Variants in DOCK6 observed in about 807,000 individuals in gnomAD.
DOCK6 encodes the protein dedicator of cytokinesis 6, also known as dedicator of cytokinesis protein 6.
DOCK6 carries 167 observed loss-of-function variants against 230.3 expected under a neutral mutation model. The ratio of observed to expected loss-of-function variants is 0.73; its 90% confidence interval spans 0.64 to 0.82. The LOEUF is 0.82. Among genes scored for constraint, DOCK6 ranks in the 40% least tolerant of loss-of-function variants. The probability of loss-of-function intolerance (pLI) is 0.00; values close to 1 mark genes in which losing one functional copy is unlikely to be tolerated. For missense variants in DOCK6, 2,598 were observed against 2,825.8 expected (o/e 0.92, Z 1.83); for synonymous variants, 1,148 against 1,185.0 (o/e 0.97, Z 0.64).
At chr19:11,248,515 A>T (rs1289447183) in intron 6 of DOCK6, among the ~76,000 whole-genome samples, 5 of 151,542 alleles carry the variant, frequency 3.3e-5, no homozygotes, top group Admixed American at 3.3e-4. Context: ...GGTTCAAGTG[A>T]TTCTCCTGCC....
intron 6 of DOCK6, among the ~76,000 whole-genome samples, chr19:11,250,009 A>G (rs2080093057): frequency 6.6e-6 from 1 of 151,342 alleles, no homozygotes; most frequent in African/African-American, 2.4e-5. Context: ...CCATATACAG[A>G]AGCTATCTTT....
At chr19:11,232,883 G>T (rs764498744) in intron 22 of DOCK6, among the ~76,000 whole-genome samples, 1 of 151,956 alleles carries the variant, frequency 6.6e-6, no homozygotes, top group East Asian at 1.9e-4. Context: ...GGGGGTGAAT[G>T]TGTATATGCA....
chr19:11,246,987 C>G (rs1038881955), intron 7 of DOCK6, among the ~76,000 whole-genome samples: 1 of 152,240 alleles, frequency 6.6e-6, no homozygotes, highest in Non-Finnish European at 1.5e-5. Flanking sequence ...CGCTCGCACC[C>G]CTCAAGCTGG....
In DOCK6 at chr19:11,202,580, G is replaced by A. The variant is rs3745682; in HGVS notation, c.5361+4C>T. 0.4 allele frequency: 648,600 copies of A among 1,613,742 alleles called. 132,124 individuals are homozygous for A. The highest frequency in any genetic ancestry group is 0.47 in the South Asian group (42,610 of 91,086). On this transcript the variant is annotated splice_donor_region_variant and intron_variant, in intron 42 of 47. Transcript: ENST00000294618. The surrounding 1 kb of genome is among the most constrained non-coding windows in gnomAD (Gnocchi z 5.3). Reference sequence around the variant, plus strand: ...CCGTTCCACCCCCAACCACAAGGACGTGCCTCCAGCCGGTGTGAGATCTCT... The same window carrying A: ...CCGTTCCACCCCCAACCACAAGGACATGCCTCCAGCCGGTGTGAGATCTCT...
chr19:11,240,360 AC>A, intron 14 of DOCK6: 1 of 1,452,268 alleles, frequency 6.9e-7, no homozygotes, highest in South Asian at 1.4e-5. Context: ...TCGCTTCTGC[AC>A]CTTGAGTCCC....
Position 11,208,820 on chromosome 19 carries a change from ATGAGATGTTC to A in DOCK6, c.4945-1_4953del. On this transcript the variant is annotated splice_acceptor_variant and coding_sequence_variant, in exon 39 of 48. Transcript: ENST00000294618. LOFTEE classifies it high-confidence loss of function. ...ATGGCGGACTCCTCTAGCACGTTGG[ATGAGATGTTC>A]TGGGGTGGGAGAGGTGGCGTCAGAC... The A allele has an allele frequency of 6.2e-7, 1 of 1,613,038 alleles. No homozygotes were observed. Among genetic ancestry groups the A allele is most frequent in the East Asian group, 2.2e-5 (1 of 44,866 alleles).
intron 18 of DOCK6, 158 bp from the exon 19 acceptor site, chr19:11,237,037 A>G (rs923025683): frequency 2.0e-5 from 14 of 691,472 alleles, no homozygotes; most frequent in Non-Finnish European, 2.9e-5. Flanking sequence ...GTAGACTGAG[A>G]GGGTCCACTG....
rs2079181835 is a variant in DOCK6 at position 11,202,233 on chromosome 19, A to G, written c.5452-108T>C. ...GACTTTGTCATTTCCAAGTCTTCCT[A>G]TGTCTGGATGTTTGGGAATCCCCTG... On this transcript the variant is annotated intron_variant, in intron 43 of 47. Coordinates refer to ENST00000294618, the MANE Select transcript of DOCK6 (RefSeq NM_020812.4). The surrounding 1 kb of genome is among the most constrained non-coding windows in gnomAD (Gnocchi z 5.3). 1 of 1,391,580 alleles carries G rather than the reference A, an allele frequency of 7.2e-7. No individual in the cohort carries two copies. Among genetic ancestry groups the G allele is most frequent in the South Asian group, 1.3e-5 (1 of 78,046 alleles). The allele number at this position is 1,391,580 out of a possible 1,614,324, so 86.2% of individuals were successfully genotyped here.
In DOCK6 at chr19:11,222,645, A is replaced by G; in HGVS notation, c.3240+90T>C. On this transcript the variant is annotated intron_variant, in intron 26 of 47. Coordinates refer to ENST00000294618, the MANE Select transcript of DOCK6 (RefSeq NM_020812.4). This position sits in a 1 kb window ranked among gnomAD's most constrained non-coding sequence, Gnocchi z 4.0. The stretch of plus-strand genomic sequence containing the variant: ...TTCACCTAGGCAGTGGTCCACCGTG[A>G]AAGGGACAGAGATGAGGGAACCATA... 2.9e-6 allele frequency: 4 copies of G among 1,362,892 alleles called. No homozygotes were observed. The highest frequency in any genetic ancestry group is 4.0e-6 in the Non-Finnish European group (4 of 1,008,288). The allele number at this position is 1,362,892 out of a possible 1,614,324, so 84.4% of individuals were successfully genotyped here.
rs926739290 is a variant in DOCK6 at position 11,202,044 on chromosome 19, A to G, written c.5533T>C (p.Tyr1845His). Residue 1845 changes from tyrosine (Y) to histidine (H), a missense_variant, in exon 44 of 48, where the codon TAT (tyrosine) becomes CAT (histidine). Physicochemically the swap from Tyr to His is moderately conservative, Grantham distance 83. Transcript: ENST00000294618. This position sits in a 1 kb window ranked among gnomAD's most constrained non-coding sequence, Gnocchi z 5.3. ...CAGAACAGGAATGTGCGAAGCCCATAGTTGCGGTCAAAGTAGGTCACCCGG... is the reference window on the plus strand; with the variant it reads ...CAGAACAGGAATGTGCGAAGCCCATGGTTGCGGTCAAAGTAGGTCACCCGG... ...KDRVTYFDRN[Y>H]GLRTFLFCTP... 6 of 1,614,038 alleles carry G rather than the reference A, an allele frequency of 3.7e-6. No individual in the cohort carries two copies. The highest frequency in any genetic ancestry group is 5.1e-6 in the Non-Finnish European group (6 of 1,179,902).
rs376238068 is a variant in DOCK6 at position 11,252,260 on chromosome 19, C to T, written c.378-12G>A. 125 of 1,579,254 alleles carry T rather than the reference C, an allele frequency of 7.9e-5. 1 individual carries two copies. The highest frequency in any genetic ancestry group is 3.3e-4 in the Middle Eastern group (2 of 6,030). On this transcript the variant is annotated splice_polypyrimidine_tract_variant and intron_variant, in intron 4 of 47. Transcript: ENST00000294618. ...TCAGGTACTGATACCTAGCAGGAAA[C>T]GGGGCTGGGCAGGTAGGGAGGGCTG...
chr19:11,240,117 C>T (rs765612211), intron 14 of DOCK6: 1 of 1,551,302 alleles, frequency 6.4e-7, no homozygotes. Flanking sequence ...TACTAGTGAC[C>T]CACTGTTTAT....
At chr19:11,251,206 T>G (rs372009619) in intron 5 of DOCK6, 120 bp from the exon 6 acceptor site, 28 of 1,038,140 alleles carry the variant, frequency 2.7e-5, no homozygotes, top group Non-Finnish European at 3.7e-5. Context: ...GGGGTGAGGG[T>G]CATCACTCTA....
rs2147767767 is a variant in DOCK6 at position 11,217,348 on chromosome 19, T to C, written c.3594A>G (p.Ser1198=). The C allele has an allele frequency of 4.3e-6, 7 of 1,613,570 alleles. No homozygotes were observed. The highest frequency in any genetic ancestry group is 5.9e-6 in the Non-Finnish European group (7 of 1,179,762). Residue 1198 remains serine (S), a synonymous_variant, in exon 29 of 48, where the codon TCA becomes TCG. Coordinates refer to ENST00000294618, the MANE Select transcript of DOCK6 (RefSeq NM_020812.4). ...CAATGTCCCCTTCGCCTTCTGTGTCTGAGTCAAGCATTGAGGCCAGTCTTG... is the reference window on the plus strand; with the variant it reads ...CAATGTCCCCTTCGCCTTCTGTGTCCGAGTCAAGCATTGAGGCCAGTCTTG... ...QRSRLASMLD[S]DTEGEGDIAG...
At position 11,227,426 on chromosome 19, in the gene DOCK6, G is replaced by A. The variant is rs1013737666; in HGVS notation, c.2866C>T (p.Arg956Cys). ...LLLGQRLDTP[R>C]KLRFPGRFLD... is the part of the protein sequence containing the mutation. ...AAGCGTCCGGGGAAGCGCAGCTTGC[G>A]GGGTGTGTCTAGTCGCTGGCCAAGC... The change falls in exon 24 of 48, where the codon CGC becomes TGC. Residue 956 changes from arginine to cysteine, a missense_variant. Physicochemically the swap from Arg to Cys is radical, Grantham distance 180. Coordinates refer to ENST00000294618, the MANE Select transcript of DOCK6 (RefSeq NM_020812.4). The A allele has an allele frequency of 3.2e-5, 52 of 1,612,268 alleles. No homozygotes were observed. Among genetic ancestry groups the A allele is most frequent in the South Asian group, 5.5e-5 (5 of 90,884 alleles).
intron 6 of DOCK6, among the ~76,000 whole-genome samples, chr19:11,250,334 G>C (rs1038347275): frequency 6.7e-6 from 1 of 149,668 alleles, no homozygotes; most frequent in Non-Finnish European, 1.5e-5. Flanking sequence ...TTTTTTTTGA[G>C]ACAGAGTTTT....
rs775408562 is a variant in DOCK6 at position 11,250,862 on chromosome 19, A to AG, written c.720+11dup. The AG allele has an allele frequency of 1.3e-6, 2 of 1,591,146 alleles. No homozygotes were observed. Among genetic ancestry groups the AG allele is most frequent in the Admixed American group, 3.4e-5 (2 of 59,584 alleles). The stretch of plus-strand genomic sequence containing the variant: ...AATGCTGGTTGGCTGATATCTGGGA[A>AG]GGGGCACCCACCTCGTCAGGTGCCG... On this transcript the variant is annotated intron_variant, in intron 6 of 47. Transcript: ENST00000294618.
chr19:11,243,430 C>A lies in DOCK6; in HGVS notation c.1259-45G>T. On this transcript the variant is annotated intron_variant, in intron 11 of 47. Transcript: ENST00000294618. This position sits in a 1 kb window ranked among gnomAD's most constrained non-coding sequence, Gnocchi z 6.3. ...TGACAAAAGGGGGACCAAGATGAAA[C>A]AGGGAGACTCAGGGGCGGCACAGTT... 1 of 1,580,588 alleles carries A rather than the reference C, an allele frequency of 6.3e-7. No individual in the cohort carries two copies. Among genetic ancestry groups the A allele is most frequent in the Non-Finnish European group, 8.6e-7 (1 of 1,165,024 alleles).
intron 40 of DOCK6, 34 bp downstream of exon 40, chr19:11,204,166 A>G: frequency 8.3e-7 from 1 of 1,211,002 alleles, no homozygotes. Flanking sequence ...AGTGGGGCTG[A>G]GGGTGGGGTC....
Sources: allele counts gnomAD v4.1 joint callset (sites outside exome capture counted in the v4.1 genomes callset), GRCh38; gene constraint gnomAD v4.1.1; non-coding constraint Gnocchi (gnomAD v3.1); transcripts MANE v1.5; gene names NCBI Gene and HGNC (gene_info 2026-07-23, HGNC 2026-07-21).